INPP4B: variants seen among roughly 807,000 people sequenced by gnomAD.
INPP4B encodes inositol polyphosphate-4-phosphatase type II B.
In INPP4B, 55 loss-of-function variants were observed where a neutral mutation model predicts 122.5. The observed-to-expected ratio is 0.45, with a 90% CI of 0.36 to 0.56. The LOEUF (loss-of-function observed/expected upper bound fraction) is 0.56, where lower values mean the gene tolerates loss of function less well. Ranked by LOEUF, INPP4B falls within the 20% of genes least tolerant of loss-of-function variation. The pLI is 0.00. For synonymous variants in INPP4B, 403 were observed against 388.7 expected, an observed-to-expected ratio of 1.04 and a Z score of -0.43; for missense variants, 1,000 against 1,097.7, an observed-to-expected ratio of 0.91 and a Z score of 1.26.
intron 2 of INPP4B, among the ~76,000 whole-genome samples, chr4:142,647,956 C>G (rs1412537630): frequency 6.6e-6 from 1 of 152,218 alleles, no homozygotes; most frequent in Non-Finnish European, 1.5e-5. Flanking sequence ...CACATTTCCT[C>G]CTCCTTTTCG....
chr4:142,047,030 T>C (rs576421805), intron 25 of INPP4B, among the ~76,000 whole-genome samples: 2 of 152,180 alleles, frequency 1.3e-5, no homozygotes, highest in Middle Eastern at 3.4e-3. Context: ...TCTCTCTTTT[T>C]ATAACTACAC....
At chr4:142,675,410 T>C (rs1351918666) in intron 2 of INPP4B, among the ~76,000 whole-genome samples, 1 of 152,178 alleles carries the variant, frequency 6.6e-6, no homozygotes, top group African/African-American at 2.4e-5. Context: ...ATCTGATTTC[T>C]ACCACAGGTA....
At chr4:142,095,373 G>C (rs1159475100) in intron 23 of INPP4B, among the ~76,000 whole-genome samples, 2 of 152,210 alleles carry the variant, frequency 1.3e-5, no homozygotes, top group Admixed American at 1.3e-4. Context: ...TCTAAAAAGT[G>C]AAATAAGAAT....
intron 2 of INPP4B, among the ~76,000 whole-genome samples, chr4:142,535,268 C>G (rs1457426000): frequency 6.6e-6 from 1 of 152,188 alleles, no homozygotes; most frequent in Non-Finnish European, 1.5e-5. Flanking sequence ...TTTAGTTTAT[C>G]CTCCTACACA....
At chr4:142,634,498 A>C (rs893263517) in intron 2 of INPP4B, among the ~76,000 whole-genome samples, 1 of 152,168 alleles carries the variant, frequency 6.6e-6, no homozygotes, top group African/African-American at 2.4e-5. Context: ...AACACAACCA[A>C]GTTCAACCAA....
In INPP4B at chr4:142,767,251, A is replaced by G. The variant is rs78204804; in HGVS notation, c.-253-41350T>C. On this transcript the variant is annotated intron_variant, in intron 1 of 25. Coordinates refer to ENST00000262992, the MANE Select transcript of INPP4B (RefSeq NM_001101669.3). Reference sequence around the variant, plus strand: ...AGGGGAAAACACTTTGGAGCTTAAAAGTGGGAATTCATTTGAAAGAGGGTG... The same window carrying G: ...AGGGGAAAACACTTTGGAGCTTAAAGGTGGGAATTCATTTGAAAGAGGGTG... 4.1e-4 allele frequency among the ~76,000 whole-genome samples: 63 copies of G among 152,310 alleles called. No homozygotes were observed. In the East Asian group the frequency reaches 0.011, roughly 27 times the overall value.
At chr4:142,368,926 G>C (rs572195465) in intron 7 of INPP4B, among the ~76,000 whole-genome samples, 36 of 152,158 alleles carry the variant, frequency 2.4e-4, no homozygotes, top group African/African-American at 8.4e-4. Flanking sequence ...AGTTAAGCCT[G>C]GATCACTTCA....
chr4:142,317,663 G>A (rs1169310957), intron 7 of INPP4B: 1 of 152,542 alleles, frequency 6.6e-6, no homozygotes, highest in Non-Finnish European at 1.5e-5. Flanking sequence ...ATAATTCTGA[G>A]GATTTTTCCA....
intron 14 of INPP4B, among the ~76,000 whole-genome samples, chr4:142,200,687 A>G (rs1169456621): frequency 3.3e-5 from 5 of 152,056 alleles, no homozygotes; most frequent in African/African-American, 1.2e-4. Flanking sequence ...ACATATTGAT[A>G]AGCAAGAAAA....
chr4:142,138,717 C>T (rs1210828396), intron 18 of INPP4B, among the ~76,000 whole-genome samples: 2 of 152,048 alleles, frequency 1.3e-5, no homozygotes, highest in African/African-American at 4.8e-5. Context: ...AACTCCCCTA[C>T]AGGCTTGTTG....
rs1734058794 is a variant in INPP4B at position 142,577,273 on chromosome 4, TG to T, written c.-190-114548del. On this transcript the variant is annotated intron_variant, in intron 2 of 25. Transcript: ENST00000262992. ...GCCTTGATGTGTAGTGTTCAGTGTC[TG>T]TGGTGAAAATCCTCCTATCATGTCC... 2.0e-5 allele frequency among the ~76,000 whole-genome samples: 3 copies of T among 152,170 alleles called. No homozygotes were observed. The South Asian group carries it at 6.2e-4, about 32-fold the overall frequency.
chr4:142,122,060 C>T, intron 21 of INPP4B, 68 bp downstream of exon 21: 9 of 937,758 alleles, frequency 9.6e-6, no homozygotes, highest in Non-Finnish European at 1.5e-5. Context: ...TTCTCCTTGC[C>T]TCCTCTGACA....
rs549017260 is a variant in INPP4B at position 142,161,124 on chromosome 4, C to T, written c.1360-563G>A. 1.2e-4 allele frequency among the ~76,000 whole-genome samples: 18 copies of T among 151,940 alleles called. No homozygotes were observed. The South Asian group carries it at 1.9e-3, about 16-fold the overall frequency. ...TAGGCAGACTTCTTCATGAAAACAT[C>T]GGGCCTGTTTTCCTTATTATCACCT... On this transcript the variant is annotated intron_variant, in intron 16 of 25. Coordinates refer to ENST00000262992, the MANE Select transcript of INPP4B (RefSeq NM_001101669.3).
At chr4:142,612,365 T>C (rs905582792) in intron 2 of INPP4B, among the ~76,000 whole-genome samples, 4 of 152,212 alleles carry the variant, frequency 2.6e-5, no homozygotes, top group East Asian at 1.9e-4. Context: ...ATTTAACACA[T>C]AGTGTGTAGA....
chr4:142,157,747 C>T (rs1172459472), intron 17 of INPP4B, among the ~76,000 whole-genome samples: 1 of 152,124 alleles, frequency 6.6e-6, no homozygotes, highest in Non-Finnish European at 1.5e-5. Context: ...CCACCTGATA[C>T]TCCAGCCTTG....
intron 18 of INPP4B, among the ~76,000 whole-genome samples, chr4:142,136,960 C>T (rs917022296): frequency 6.6e-6 from 1 of 152,060 alleles, no homozygotes; most frequent in East Asian, 1.9e-4. Flanking sequence ...CCATACTGCC[C>T]AAGGTAATTT....
intron 25 of INPP4B, among the ~76,000 whole-genome samples, chr4:142,064,726 A>T (rs562547710): frequency 7.9e-5 from 12 of 152,318 alleles, no homozygotes; most frequent in Middle Eastern, 3.4e-3. Flanking sequence ...CTTTAGCACA[A>T]AATCAAATAA....
At chr4:142,239,469 G>A (rs1305070245) in intron 11 of INPP4B, among the ~76,000 whole-genome samples, 1 of 152,020 alleles carries the variant, frequency 6.6e-6, no homozygotes, top group Non-Finnish European at 1.5e-5. Context: ...TTTAAATTTT[G>A]TCAATTTGGT....
intron 1 of INPP4B, among the ~76,000 whole-genome samples, chr4:142,758,323 T>A (rs1168054072): frequency 6.6e-6 from 1 of 152,132 alleles, no homozygotes; most frequent in Non-Finnish European, 1.5e-5. Context: ...TCATTTGTTA[T>A]CTCTGAAATA....
Sources: allele counts gnomAD v4.1 joint callset (sites outside exome capture counted in the v4.1 genomes callset), GRCh38; gene constraint gnomAD v4.1.1; transcripts MANE v1.5; gene names NCBI Gene and HGNC (gene_info 2026-07-23, HGNC 2026-07-21).